Variants in ETFA observed in about 807,000 individuals in gnomAD.
ETFA encodes electron transfer flavoprotein subunit alpha, also known as electron transfer flavoprotein subunit alpha, mitochondrial.
ETFA carries 22 observed loss-of-function variants against 46.2 expected under a neutral mutation model. That is an observed-to-expected ratio of 0.48 (90% CI 0.34 to 0.68). The LOEUF (loss-of-function observed/expected upper bound fraction) is 0.68, where lower values mean the gene tolerates loss of function less well. Among genes scored for constraint, ETFA ranks in the 30% least tolerant of loss-of-function variants. ETFA has a pLI of 0.01. For synonymous variants in ETFA, 131 were observed against 139.9 expected, an observed-to-expected ratio of 0.94 and a Z score of 0.45; for missense variants, 345 against 401.1, an observed-to-expected ratio of 0.86 and a Z score of 1.19.
At chr15:76,281,897 C>CTTTT (rs34309169) in intron 8 of ETFA, among the ~76,000 whole-genome samples, 32 of 78,078 alleles carry the variant, frequency 4.1e-4, no homozygotes, top group Non-Finnish European at 5.7e-4. Context: ...TACACGTATC[C>CTTTT]TTTTTTTTTT....
chr15:76,222,228 T>A (rs1359441521), intron 11 of ETFA, among the ~76,000 whole-genome samples: 1 of 148,214 alleles, frequency 6.7e-6, no homozygotes, highest in African/African-American at 2.5e-5. Flanking sequence ...ATTATAATTT[T>A]AAAATATAAT....
chr15:76,286,864 T>C (rs559340865), intron 5 of ETFA, among the ~76,000 whole-genome samples: 6 of 152,320 alleles, frequency 3.9e-5, no homozygotes, highest in Admixed American at 2.0e-4. Context: ...CTACTGTGCA[T>C]GCTAAAGGAG....
At chr15:76,257,562 T>C (rs1299257170) in intron 9 of ETFA, among the ~76,000 whole-genome samples, 1 of 152,170 alleles carries the variant, frequency 6.6e-6, no homozygotes, top group Non-Finnish European at 1.5e-5. Context: ...ACTTTTACAA[T>C]GTTGGTGGGA....
At chr15:76,287,783 GATTA>G in intron 5 of ETFA, 59 bp downstream of exon 5, 1 of 1,151,388 alleles carries the variant, frequency 8.7e-7, no homozygotes, top group Non-Finnish European at 1.3e-6. Context: ...CTATCTTCAA[GATTA>G]ATTTATGCTT....
intron 10 of ETFA, among the ~76,000 whole-genome samples, chr15:76,229,377 C>G (rs967590751): frequency 6.6e-6 from 1 of 152,200 alleles, no homozygotes. Context: ...AAAGTCTTGG[C>G]TGACCCCCAA....
intron 9 of ETFA, among the ~76,000 whole-genome samples, chr15:76,236,122 C>T (rs2039119670): frequency 6.6e-6 from 1 of 152,182 alleles, no homozygotes; most frequent in South Asian, 2.1e-4. Context: ...ACCCAAAACA[C>T]GTGCCCAAAC....
intron 9 of ETFA, chr15:76,259,533 C>G: frequency 1.1e-6 from 1 of 940,930 alleles, no homozygotes; most frequent in Non-Finnish European, 1.8e-6. Flanking sequence ...TGTCTGCCCA[C>G]GTGTCATGAT....
At chr15:76,251,330 G>C (rs2039295647) in intron 9 of ETFA, among the ~76,000 whole-genome samples, 1 of 152,150 alleles carries the variant, frequency 6.6e-6, no homozygotes, top group South Asian at 2.1e-4. Flanking sequence ...AGATAAGCTG[G>C]ATTTTTGTTT....
Position 76,290,333 on chromosome 15 carries a change from C to CTTTTT in ETFA, c.351+2093_351+2097dup, listed in dbSNP as rs10682432. Among the ~76,000 whole-genome samples, 677 of 97,110 alleles carry CTTTTT rather than the reference C, an allele frequency of 7.0e-3. 44 individuals are homozygous for CTTTTT. Among genetic ancestry groups the CTTTTT allele is most frequent in the African/African-American group, 0.016 (405 of 25,820 alleles). 63.7% of individuals were successfully genotyped at this position (97,110 alleles called of 152,430 possible). On this transcript the variant is annotated intron_variant, in intron 4 of 11. Transcript: ENST00000557943. The stretch of plus-strand genomic sequence containing the variant: ...AACATTATGAGCCAAAGTCGCTACT[C>CTTTTT]TTTTTTTTTTTTTTTTTTTTTGAGA...
At position 76,311,332 on chromosome 15, in the gene ETFA, T is replaced by C; in HGVS notation, c.39+18A>G. The C allele has an allele frequency of 6.4e-7, 1 of 1,555,018 alleles. No homozygotes were observed. Among genetic ancestry groups the C allele is most frequent in the East Asian group, 2.4e-5 (1 of 41,598 alleles). ...ACGGGGGGCCGTCCCTGGGTTCGCC[T>C]TCCCAGTCCGGACTCACCGCCCGCC... On this transcript the variant is annotated intron_variant, in intron 1 of 11. Transcript: ENST00000557943.
chr15:76,266,506 T>C (rs570830176), intron 9 of ETFA, among the ~76,000 whole-genome samples: 2 of 152,342 alleles, frequency 1.3e-5, no homozygotes, highest in Non-Finnish European at 2.9e-5. Context: ...CAGAAAAGGC[T>C]GTAAATGCGG....
intron 9 of ETFA, among the ~76,000 whole-genome samples, chr15:76,268,637 C>T (rs915526720): frequency 6.6e-6 from 1 of 152,154 alleles, no homozygotes; most frequent in Admixed American, 6.5e-5. Context: ...ATATCATCAC[C>T]CCTATTCAGC....
At chr15:76,276,174 A>G (rs549637019) in intron 8 of ETFA, among the ~76,000 whole-genome samples, 2 of 152,252 alleles carry the variant, frequency 1.3e-5, no homozygotes, top group East Asian at 1.9e-4. Flanking sequence ...TTTGTCTGAG[A>G]AAGTCTTTAT....
chr15:76,305,188 C>A (rs1401412305), intron 1 of ETFA, among the ~76,000 whole-genome samples: 2 of 151,500 alleles, frequency 1.3e-5, no homozygotes, highest in Non-Finnish European at 2.9e-5. Flanking sequence ...AAGATTAAAC[C>A]TCTCCCAAAC....
At chr15:76,222,688 C>CACAGGACA (rs1316647712) in intron 11 of ETFA, among the ~76,000 whole-genome samples, 4 of 151,624 alleles carry the variant, frequency 2.6e-5, no homozygotes, top group African/African-American at 9.8e-5. Context: ...TAGTTGTGCC[C>CACAGGACA]ATAACCTGTG....
intron 9 of ETFA, among the ~76,000 whole-genome samples, chr15:76,273,946 A>G (rs1488693800): frequency 2.6e-5 from 4 of 152,234 alleles, no homozygotes; most frequent in Non-Finnish European, 5.9e-5. Flanking sequence ...AATTGATACT[A>G]TAAGACAAAA....
chr15:76,280,652 T>A (rs2039638882), intron 8 of ETFA, among the ~76,000 whole-genome samples: 1 of 152,204 alleles, frequency 6.6e-6, no homozygotes. Flanking sequence ...CCCCATTTCA[T>A]TCAGAGAAAG....
intron 8 of ETFA, among the ~76,000 whole-genome samples, chr15:76,278,896 G>C (rs1468555431): frequency 6.6e-6 from 1 of 152,230 alleles, no homozygotes; most frequent in Non-Finnish European, 1.5e-5. Context: ...TACTGAGGGA[G>C]AATAAGGGAG....
At chr15:76,227,268 G>A (rs528545164) in intron 10 of ETFA, among the ~76,000 whole-genome samples, 1 of 152,030 alleles carries the variant, frequency 6.6e-6, no homozygotes, top group East Asian at 1.9e-4. Flanking sequence ...TGTAATCCCA[G>A]CACTTTGAGA....
Sources: allele counts gnomAD v4.1 joint callset (sites outside exome capture counted in the v4.1 genomes callset), GRCh38; gene constraint gnomAD v4.1.1; transcripts MANE v1.5; gene names NCBI Gene and HGNC (gene_info 2026-07-23, HGNC 2026-07-21).